The following ANKS1B variants were observed in gnomAD, a reference collection of about 807,000 sequenced individuals.
ANKS1B encodes the protein ankyrin repeat and sterile alpha motif domain containing 1B.
In ANKS1B, 36 loss-of-function variants were observed where a neutral mutation model predicts 148.3. That is an observed-to-expected ratio of 0.24 (90% CI 0.19 to 0.32). The LOEUF (loss-of-function observed/expected upper bound fraction) is 0.32, where lower values mean the gene tolerates loss of function less well. Ranked by LOEUF, ANKS1B falls within the 10% of genes least tolerant of loss-of-function variation. The probability of loss-of-function intolerance (pLI) is 1.00; values close to 1 mark genes in which losing one functional copy is unlikely to be tolerated. For missense variants in ANKS1B, 1,157 were observed against 1,542.6 expected, an observed-to-expected ratio of 0.75 and a Z score of 4.19; for synonymous variants, 542 against 560.8, an observed-to-expected ratio of 0.97 and a Z score of 0.47.
chr12:99,439,655 G>A (rs142161815), intron 11 of ANKS1B, among the ~76,000 whole-genome samples: 11 of 151,742 alleles, frequency 7.2e-5, no homozygotes, highest in South Asian at 2.1e-4. Context: ...TTTAAAAGGC[G>A]AGAATGTGGA....
intron 17 of ANKS1B, among the ~76,000 whole-genome samples, chr12:99,040,523 AGCCTAGTGTACC>A: frequency 6.6e-6 from 1 of 152,328 alleles, no homozygotes; most frequent in South Asian, 2.1e-4. Flanking sequence ...TTGCAAGACC[AGCCTAGTGTACC>A]GCCTTTCATG....
At chr12:99,212,427 T>C (rs750396815) in intron 14 of ANKS1B, among the ~76,000 whole-genome samples, 26 of 152,140 alleles carry the variant, frequency 1.7e-4, no homozygotes, top group Admixed American at 5.2e-4. Context: ...ACTTTCCCCC[T>C]ATGCAAACAT....
chr12:99,581,266 C>T (rs968663996), intron 9 of ANKS1B, among the ~76,000 whole-genome samples: 1 of 152,046 alleles, frequency 6.6e-6, no homozygotes, highest in East Asian at 1.9e-4. Context: ...CAGATGTGAC[C>T]ATTTGATTTT....
At chr12:99,685,381 A>G (rs2098643513) in intron 8 of ANKS1B, among the ~76,000 whole-genome samples, 1 of 152,184 alleles carries the variant, frequency 6.6e-6, no homozygotes, top group Admixed American at 6.5e-5. Context: ...TCACAATGCA[A>G]TATCACCTTA....
At chr12:99,891,316 G>A (rs2093092863) in intron 1 of ANKS1B, among the ~76,000 whole-genome samples, 1 of 152,064 alleles carries the variant, frequency 6.6e-6, no homozygotes, top group African/African-American at 2.4e-5. Flanking sequence ...ACAATTGAGA[G>A]TGTGTGTGTA....
At chr12:99,715,815 C>G (rs1807790094) in intron 8 of ANKS1B, among the ~76,000 whole-genome samples, 2 of 152,186 alleles carry the variant, frequency 1.3e-5, no homozygotes, top group Non-Finnish European at 2.9e-5. Context: ...TCTTTTCAAT[C>G]TTGGCACCAC....
chr12:99,540,974 A>G (rs1012297241), intron 9 of ANKS1B, among the ~76,000 whole-genome samples: 2 of 152,094 alleles, frequency 1.3e-5, no homozygotes, highest in African/African-American at 4.8e-5. Flanking sequence ...CTTTACAGAA[A>G]TAAAAAAGTT....
chr12:99,043,562 GCT>G (rs1477113132), intron 17 of ANKS1B, among the ~76,000 whole-genome samples: 1 of 152,228 alleles, frequency 6.6e-6, no homozygotes, highest in African/African-American at 2.4e-5. Context: ...GAATTTGTGT[GCT>G]TTCTGAGGCT....
chr12:99,967,345 C>A (rs190353361), intron 1 of ANKS1B, among the ~76,000 whole-genome samples: 132 of 152,234 alleles, frequency 8.7e-4, no homozygotes, highest in African/African-American at 3.1e-3. Flanking sequence ...GAAGTTAAAT[C>A]ACCTGCATAG....
chr12:99,205,164 G>A (rs2082503913), intron 14 of ANKS1B, among the ~76,000 whole-genome samples: 1 of 152,168 alleles, frequency 6.6e-6, no homozygotes, highest in African/African-American at 2.4e-5. Context: ...GAAACCAAGA[G>A]AGTGCGAGAT....
chr12:99,473,451 T>A (rs549511654), intron 10 of ANKS1B, among the ~76,000 whole-genome samples: 1 of 152,194 alleles, frequency 6.6e-6, no homozygotes, highest in South Asian at 2.1e-4. Context: ...TCAAGAGCCA[T>A]ACCTAGTAGT....
chr12:99,418,387 G>A (rs2094971594), intron 11 of ANKS1B, among the ~76,000 whole-genome samples: 1 of 152,028 alleles, frequency 6.6e-6, no homozygotes, highest in Admixed American at 6.6e-5. Flanking sequence ...TTGTATTTGT[G>A]ATTATAAATG....
At chr12:98,763,424 T>TG (rs1165543999) in intron 25 of ANKS1B, among the ~76,000 whole-genome samples, 2 of 152,218 alleles carry the variant, frequency 1.3e-5, no homozygotes, top group Non-Finnish European at 2.9e-5. Context: ...GATGTCTATC[T>TG]GGGGCAAGAT....
Position 99,311,727 on chromosome 12 carries a change from CA to C in ANKS1B, c.1757-64864del, listed in dbSNP as rs375925843. Among the ~76,000 whole-genome samples the C allele has an allele frequency of 2.0e-3, 306 of 151,896 alleles. 6 individuals are homozygous for C. The South Asian group carries it at 0.037, about 18-fold the overall frequency. ...AACTTTTGATTATGTTTTATAATCA[CA>C]AAATATTTTGAAAGTACATTCAATG... On this transcript the variant is annotated intron_variant, in intron 12 of 26. Coordinates refer to ENST00000683438, the MANE Select transcript of ANKS1B (RefSeq NM_001352186.2).
intron 9 of ANKS1B, among the ~76,000 whole-genome samples, chr12:99,632,727 C>CTATA (rs3081654): frequency 0.016 from 628 of 38,870 alleles, 15 homozygotes; most frequent in Middle Eastern, 0.061. Context: ...CCTTTTCTTT[C>CTATA]TATATATATA....
chr12:98,935,774 G>T (rs1290088259), intron 17 of ANKS1B, among the ~76,000 whole-genome samples: 1 of 152,254 alleles, frequency 6.6e-6, no homozygotes, highest in Non-Finnish European at 1.5e-5. Context: ...AAAAGTACTG[G>T]ATTCTATTTG....
chr12:99,278,191 C>T (rs2077929526), intron 12 of ANKS1B, among the ~76,000 whole-genome samples: 1 of 152,100 alleles, frequency 6.6e-6, no homozygotes, highest in Non-Finnish European at 1.5e-5. Flanking sequence ...GAGAGCTGGC[C>T]AAGAGAATGC....
chr12:98,790,384 T>C (rs1487750063), intron 22 of ANKS1B, among the ~76,000 whole-genome samples: 2 of 152,236 alleles, frequency 1.3e-5, no homozygotes, highest in South Asian at 4.1e-4. Context: ...TAAACGGGTA[T>C]GTTAATATAG....
chr12:99,115,141 T>C (rs1261896238), intron 15 of ANKS1B, among the ~76,000 whole-genome samples: 1 of 152,148 alleles, frequency 6.6e-6, no homozygotes, highest in Non-Finnish European at 1.5e-5. Context: ...CAGAGGAATA[T>C]AAATCATCCT....
Sources: gnomAD v4.1 joint callset for allele counts (sites outside exome capture counted in the v4.1 genomes callset) on GRCh38, gnomAD v4.1.1 for gene constraint, MANE v1.5 for transcripts, NCBI Gene and HGNC (gene_info 2026-07-23, HGNC 2026-07-21) for gene names.